The following PASD1 variants were observed in gnomAD, a reference collection of about 807,000 sequenced individuals.
The protein encoded by PASD1 is circadian clock protein PASD1.
Under a neutral mutation model 58.8 loss-of-function variants are expected in PASD1, and 13 were observed. The ratio of observed to expected loss-of-function variants is 0.22; its 90% confidence interval spans 0.14 to 0.35. The LOEUF (loss-of-function observed/expected upper bound fraction) is 0.35. Among genes scored for constraint, PASD1 ranks in the 10% least tolerant of loss-of-function variants. The pLI is 1.00. For synonymous variants in PASD1, 236 were observed against 216.7 expected, an observed-to-expected ratio of 1.09 and a Z score of -0.78; for missense variants, 734 against 568.3, an observed-to-expected ratio of 1.29 and a Z score of -2.96.
At chrX:151,599,866 G>A (rs1037106645) in intron 1 of PASD1, among the ~76,000 whole-genome samples, 2 of 111,740 alleles carry the variant, frequency 1.8e-5, no homozygotes, top group African/African-American at 3.3e-5. Flanking sequence ...ACGGGGTGGC[G>A]GCCGGGCAGA....
chrX:151,582,841 A>C lies in PASD1; in HGVS notation c.-27-18686A>C, dbSNP rs745887435. ...CTCTCTCCTATTTTTTTTTCAACGA[A>C]CAACACTGATGTGTTTACAGACACT... On this transcript the variant is annotated intron_variant, in intron 1 of 15. Transcript: ENST00000370357. Among the ~76,000 whole-genome samples the C allele has an allele frequency of 3.0e-4, 34 of 111,814 alleles. No individual in the cohort carries two copies. The South Asian group carries it at 0.013, about 43-fold the overall frequency.
intron 9 of PASD1, among the ~76,000 whole-genome samples, chrX:151,655,927 C>A (rs2014234576): frequency 1.8e-5 from 2 of 111,951 alleles, no homozygotes. Flanking sequence ...GAAGTCCTTG[C>A]CCATACCTAT....
Position 151,673,953 on chromosome X carries a change from C to A in PASD1, c.1942C>A (p.Pro648Thr). 1 of 1,210,713 alleles carries A rather than the reference C, an allele frequency of 8.3e-7. No individual in the cohort carries two copies. The highest frequency in any genetic ancestry group is 1.1e-6 in the Non-Finnish European group (1 of 894,571). ...TTTTTATCCTGAGGCGTATCAAGGG[C>A]CCCCCGTGAACCAGCTGCCATTGAT... ...QSFYPEAYQGPPVNQLPLIDT... is the reference protein window; with the variant it reads ...QSFYPEAYQGTPVNQLPLIDT... Residue 648 changes from proline (P) to threonine (T), a missense_variant, in exon 15 of 16, where the codon CCC (proline) becomes ACC (threonine). Physicochemically the swap from Pro to Thr is conservative, Grantham distance 38 (BLOSUM62 -1). Transcript: ENST00000370357.
chrX:151,655,543 A>G (rs1221922341), intron 9 of PASD1, among the ~76,000 whole-genome samples: 1 of 111,673 alleles, frequency 9.0e-6, no homozygotes, highest in African/African-American at 3.3e-5. Flanking sequence ...AATGATTTTT[A>G]TTCTAACTGG....
intron 10 of PASD1, among the ~76,000 whole-genome samples, chrX:151,661,521 A>G (rs764643738): frequency 2.7e-5 from 3 of 112,538 alleles, no homozygotes; most frequent in East Asian, 5.6e-4. Flanking sequence ...GAAAGATACC[A>G]TTTAGGATAA....
chrX:151,662,819 A>G (rs970400155), intron 10 of PASD1, among the ~76,000 whole-genome samples: 7 of 112,235 alleles, frequency 6.2e-5, no homozygotes, highest in African/African-American at 1.6e-4. Flanking sequence ...TAGTTTCACA[A>G]TTGCTAACCT....
At chrX:151,592,785 TTGAATCTTATTGAATG>T (rs1250290412) in intron 1 of PASD1, among the ~76,000 whole-genome samples, 2 of 111,705 alleles carry the variant, frequency 1.8e-5, no homozygotes, top group East Asian at 5.6e-4. Context: ...ACAGTAGATG[TTGAATCTTATTGAATG>T]TTCCATATAC....
chrX:151,628,885 T>C (rs1437041325), intron 8 of PASD1, among the ~76,000 whole-genome samples: 2 of 111,318 alleles, frequency 1.8e-5, no homozygotes, highest in African/African-American at 6.5e-5. Flanking sequence ...GGTTTGTAGT[T>C]CTCCTTGAAG....
chrX:151,590,363 C>T (rs1226867171), intron 1 of PASD1, among the ~76,000 whole-genome samples: 6 of 111,400 alleles, frequency 5.4e-5, no homozygotes, highest in Middle Eastern at 4.6e-3. Context: ...TAAACTCTTT[C>T]CTAGTCCCCT....
intron 3 of PASD1, among the ~76,000 whole-genome samples, chrX:151,610,350 A>C (rs1484431075): frequency 9.0e-6 from 1 of 111,186 alleles, no homozygotes; most frequent in Non-Finnish European, 1.9e-5. Context: ...TAAGTTTCTA[A>C]TTTTGATGAC....
intron 3 of PASD1, among the ~76,000 whole-genome samples, chrX:151,607,018 T>C (rs1234375895): frequency 1.8e-5 from 2 of 111,859 alleles, no homozygotes; most frequent in Non-Finnish European, 3.8e-5. Context: ...GACACCGAGC[T>C]TAAGAAATAG....
At chrX:151,655,647 GTCT>G (rs2124303500) in intron 9 of PASD1, among the ~76,000 whole-genome samples, 1 of 112,286 alleles carries the variant, frequency 8.9e-6, no homozygotes, top group Non-Finnish European at 1.9e-5. Flanking sequence ...CTGCATAAAT[GTCT>G]TCTTTTGAGA....
chrX:151,564,221 G>T (rs1476925433), intron 1 of PASD1, among the ~76,000 whole-genome samples: 2 of 112,925 alleles, frequency 1.8e-5, no homozygotes, highest in East Asian at 5.6e-4. Context: ...CGGGCGGTTC[G>T]GGTGAGAACG....
intron 1 of PASD1, among the ~76,000 whole-genome samples, chrX:151,564,484 T>G (rs1402655802): frequency 1.8e-5 from 2 of 110,952 alleles, no homozygotes; most frequent in African/African-American, 6.6e-5. Flanking sequence ...TATGTCAGGA[T>G]GTGTATTTGG....
At chrX:151,661,286 T>C (rs113062829) in intron 10 of PASD1, among the ~76,000 whole-genome samples, 3,103 of 112,358 alleles carry the variant, frequency 0.028, 97 homozygotes, top group African/African-American at 0.095. Flanking sequence ...TTCAAAATAT[T>C]TTCAATGGTC....
At chrX:151,603,052 T>A (rs2013440331) in intron 2 of PASD1, among the ~76,000 whole-genome samples, 1 of 112,649 alleles carries the variant, frequency 8.9e-6, no homozygotes, top group Admixed American at 9.4e-5. Flanking sequence ...TCACCCGATC[T>A]TACGAATTAT....
chrX:151,632,731 A>AT (rs1198340677), intron 8 of PASD1, among the ~76,000 whole-genome samples: 1 of 112,002 alleles, frequency 8.9e-6, no homozygotes, highest in Non-Finnish European at 1.9e-5. Context: ...TAAAATTAGG[A>AT]TTTTTAAAAA....
intron 9 of PASD1, among the ~76,000 whole-genome samples, chrX:151,654,489 C>G (rs1323056808): frequency 1.8e-5 from 2 of 111,231 alleles, no homozygotes; most frequent in Non-Finnish European, 3.8e-5. Context: ...GAAGTACACC[C>G]AAAGTTAAGA....
intron 8 of PASD1, among the ~76,000 whole-genome samples, chrX:151,635,825 A>T (rs993969776): frequency 9.1e-6 from 1 of 110,455 alleles, no homozygotes; most frequent in African/African-American, 3.3e-5. Flanking sequence ...GGCTATGGTT[A>T]ATAACAATGT....
Sources: allele counts gnomAD v4.1 joint callset (sites outside exome capture counted in the v4.1 genomes callset), GRCh38; gene constraint gnomAD v4.1.1; transcripts MANE v1.5; gene names NCBI Gene and HGNC (gene_info 2026-07-23, HGNC 2026-07-21).